The following NDST4 variants were observed in gnomAD, a reference collection of about 807,000 sequenced individuals.
NDST4 encodes N-heparan sulfate sulfotransferase 4.
A neutral mutation model predicts 100.8 loss-of-function variants in NDST4; 63 were observed. That is an observed-to-expected ratio of 0.62 (90% CI 0.51 to 0.77). The LOEUF (loss-of-function observed/expected upper bound fraction) is 0.77, where lower values mean the gene tolerates loss of function less well. Among genes scored for constraint, NDST4 ranks in the 30% least tolerant of loss-of-function variants. NDST4 has a pLI of 0.00. For synonymous variants in NDST4, 377 were observed against 361.8 expected, an observed-to-expected ratio of 1.04 and a Z score of -0.48; for missense variants, 943 against 1,018.4, an observed-to-expected ratio of 0.93 and a Z score of 1.01.
chr4:115,038,817 A>T (rs1010484327), intron 2 of NDST4, among the ~76,000 whole-genome samples: 2 of 152,092 alleles, frequency 1.3e-5, no homozygotes, highest in African/African-American at 4.8e-5. Flanking sequence ...GTCCACAAAA[A>T]ATACAAAAAT....
At chr4:114,874,700 C>G (rs927007367) in intron 6 of NDST4, among the ~76,000 whole-genome samples, 3 of 152,038 alleles carry the variant, frequency 2.0e-5, no homozygotes, top group African/African-American at 7.2e-5. Context: ...ACAAATAAAA[C>G]CTATTTCAGA....
intron 6 of NDST4, among the ~76,000 whole-genome samples, chr4:114,873,898 G>C (rs1307435930): frequency 7.9e-5 from 12 of 152,076 alleles, no homozygotes. Flanking sequence ...TGCCTTCTTA[G>C]CGTTGTTATT....
At chr4:115,047,530 C>T (rs1474584979) in intron 2 of NDST4, among the ~76,000 whole-genome samples, 1 of 151,902 alleles carries the variant, frequency 6.6e-6, no homozygotes, top group Non-Finnish European at 1.5e-5. Context: ...TAAATTACAT[C>T]CATTTGATTT....
rs928241540 is a variant in NDST4 at position 115,089,980 on chromosome 4, G to C, written c.-246-12698C>G. On this transcript the variant is annotated intron_variant, in intron 1 of 13. Transcript: ENST00000264363. Reference sequence around the variant, plus strand: ...TATATTAATTTTATTTTTATATTTTGGTAAGCACACAAAATTTGATCTACC... The same window carrying C: ...TATATTAATTTTATTTTTATATTTTCGTAAGCACACAAAATTTGATCTACC... 2.6e-5 allele frequency among the ~76,000 whole-genome samples: 4 copies of C among 151,304 alleles called. No individual in the cohort carries two copies. The South Asian group carries it at 8.3e-4, about 31-fold the overall frequency.
Position 114,897,861 on chromosome 4 carries a change from C to T in NDST4, c.1537-26911G>A, listed in dbSNP as rs552508807. ...TTCTTATTTGCCATCTGTATATCTT[C>T]TTTGTTGAGGTGTCTGGTAAGGTCT... is the stretch of plus-strand genomic sequence containing the variant. On this transcript the variant is annotated intron_variant, in intron 6 of 13. Transcript: ENST00000264363. Among the ~76,000 whole-genome samples, 6 of 152,194 alleles carry T rather than the reference C, an allele frequency of 3.9e-5. No individual in the cohort carries two copies. In the South Asian group the frequency reaches 1.2e-3, roughly 32 times the overall value.
intron 2 of NDST4, among the ~76,000 whole-genome samples, chr4:115,060,576 T>A (rs951468425): frequency 2.0e-5 from 3 of 151,996 alleles, no homozygotes; most frequent in African/African-American, 7.2e-5. Flanking sequence ...AAATTATACT[T>A]TAAAATTTAT....
At chr4:115,015,723 G>C (rs1168085773) in intron 2 of NDST4, among the ~76,000 whole-genome samples, 1 of 152,028 alleles carries the variant, frequency 6.6e-6, no homozygotes, top group African/African-American at 2.4e-5. Context: ...GTCTACTGCT[G>C]TCACTGTCCA....
rs1379166327 is a variant in NDST4, at chr4:114,839,542, G to A, written c.2122C>T (p.Arg708Ter). The A allele has an allele frequency of 4.3e-6, 7 of 1,612,754 alleles. No individual in the cohort carries two copies. The highest frequency in any genetic ancestry group is 5.9e-6 in the Non-Finnish European group (7 of 1,179,346). The change falls in exon 11 of 14, where the codon CGA becomes TGA. Residue 708 changes from arginine (R) to a stop codon, truncating the protein, a stop_gained. Transcript: ENST00000264363. LOFTEE classifies it high-confidence loss of function. ...AGAGCAGCTGGATCTTCATGTGATC[G>A]TTGGTGCTTTAACAAGAAAGTCAAT... Reference protein sequence around the residue: ...DRAYSWYQHQRSHEDPAALRF... With the variant: ...DRAYSWYQHQ
intron 2 of NDST4, 138 bp from the exon 3 acceptor site, chr4:114,977,412 A>T: frequency 2.1e-6 from 1 of 480,954 alleles, no homozygotes; most frequent in Non-Finnish European, 3.7e-6. Context: ...GTTATGTAGT[A>T]TTCGTATTTC....
intron 1 of NDST4, among the ~76,000 whole-genome samples, chr4:115,099,543 C>T (rs541411772): frequency 1.1e-4 from 16 of 151,916 alleles, no homozygotes; most frequent in African/African-American, 3.9e-4. Context: ...ATACAAATGG[C>T]CATTTAGGAT....
At chr4:115,014,874 C>A (rs536118479) in intron 2 of NDST4, among the ~76,000 whole-genome samples, 1 of 152,144 alleles carries the variant, frequency 6.6e-6, no homozygotes, top group African/African-American at 2.4e-5. Flanking sequence ...GCAACCTGAG[C>A]ATTGGCTTGT....
At chr4:115,077,607 AGTTACC>A in intron 1 of NDST4, among the ~76,000 whole-genome samples, 1 of 152,220 alleles carries the variant, frequency 6.6e-6, no homozygotes, top group Non-Finnish European at 1.5e-5. Context: ...AAAGTATGTC[AGTTACC>A]ATAAAACTAT....
intron 2 of NDST4, among the ~76,000 whole-genome samples, chr4:115,007,992 C>T (rs1311806475): frequency 7.7e-6 from 1 of 129,576 alleles, no homozygotes; most frequent in East Asian, 2.5e-4. Flanking sequence ...ACAATGGGCA[C>T]TAAATTTCTT....
At chr4:114,949,209 T>A (rs931736561) in intron 4 of NDST4, among the ~76,000 whole-genome samples, 3 of 151,956 alleles carry the variant, frequency 2.0e-5, no homozygotes, top group Admixed American at 6.6e-5. Context: ...ATCAATTTTT[T>A]TAGAAAGTAT....
chr4:114,847,725 G>T (rs982989712), intron 9 of NDST4, among the ~76,000 whole-genome samples: 6 of 152,032 alleles, frequency 3.9e-5, no homozygotes, highest in Non-Finnish European at 7.4e-5. Context: ...GACTAGAATT[G>T]ATATGGTTTT....
chr4:114,888,496 T>C (rs1348941926), intron 6 of NDST4, among the ~76,000 whole-genome samples: 4 of 152,200 alleles, frequency 2.6e-5, no homozygotes, highest in South Asian at 2.1e-4. Flanking sequence ...TCTTATATGC[T>C]AGTCTTTGCG....
At position 114,999,610 on chromosome 4, in the gene NDST4, G is replaced by A. The variant is rs569216516; in HGVS notation, c.979-22336C>T. Among the ~76,000 whole-genome samples the A allele has an allele frequency of 4.6e-5, 7 of 152,146 alleles. No individual in the cohort carries two copies. The South Asian group carries it at 1.5e-3, about 32-fold the overall frequency. The stretch of plus-strand genomic sequence containing the variant: ...AAAGAAGATTTGAAGCACAATAACT[G>A]TAAATAAATAATAGCATTATCAAAG... On this transcript the variant is annotated intron_variant, in intron 2 of 13. Transcript: ENST00000264363.
chr4:114,886,501 TTAA>T (rs1393128683), intron 6 of NDST4, among the ~76,000 whole-genome samples: 2 of 152,146 alleles, frequency 1.3e-5, no homozygotes, highest in Non-Finnish European at 2.9e-5. Flanking sequence ...AAATTGCCAA[TTAA>T]TGATGATGAG....
intron 1 of NDST4, among the ~76,000 whole-genome samples, chr4:115,090,582 A>C (rs1729497662): frequency 6.6e-6 from 1 of 152,034 alleles, no homozygotes; most frequent in Admixed American, 6.6e-5. Flanking sequence ...TAACCTGTCT[A>C]TCGGTATATC....
Sources: gnomAD v4.1 joint callset for allele counts (sites outside exome capture counted in the v4.1 genomes callset) on GRCh38, gnomAD v4.1.1 for gene constraint, MANE v1.5 for transcripts, NCBI Gene and HGNC (gene_info 2026-07-23, HGNC 2026-07-21) for gene names.